CHD9: variants seen among roughly 807,000 people sequenced by gnomAD.
CHD9 encodes ATP-dependent chromatin remodeler CHD9.
Under a neutral mutation model 316.1 loss-of-function variants are expected in CHD9, and 77 were observed. The observed-to-expected ratio is 0.24, with a 90% CI of 0.20 to 0.29. The LOEUF is 0.29. Among genes scored for constraint, CHD9 ranks in the 10% least tolerant of loss-of-function variants. CHD9 has a pLI of 1.00. For synonymous variants in CHD9, 1,129 were observed against 1,158.3 expected (o/e 0.97, Z 0.51); for missense variants, 2,763 against 3,438.1 (o/e 0.80, Z 4.91).
At chr16:53,251,703 T>A (rs1217535329) in intron 17 of CHD9, among the ~76,000 whole-genome samples, 1 of 152,214 alleles carries the variant, frequency 6.6e-6, no homozygotes, top group African/African-American at 2.4e-5. Context: ...TCAAGATTTA[T>A]CATACAAAGT....
intron 24 of CHD9, among the ~76,000 whole-genome samples, chr16:53,279,371 G>A (rs1312053401): frequency 4.0e-5 from 6 of 150,266 alleles, no homozygotes; most frequent in South Asian, 2.1e-4. Context: ...GGGGTGGGGG[G>A]TAAGGGGGAG....
intron 2 of CHD9, among the ~76,000 whole-genome samples, chr16:53,190,299 G>A (rs945067086): frequency 6.6e-6 from 1 of 152,022 alleles, no homozygotes; most frequent in Non-Finnish European, 1.5e-5. Flanking sequence ...TAAAAGAGTT[G>A]TTTTTGTCTA....
intron 1 of CHD9, among the ~76,000 whole-genome samples, chr16:53,136,292 A>G (rs1404978704): frequency 1.3e-5 from 2 of 152,186 alleles, no homozygotes; most frequent in Non-Finnish European, 2.9e-5. Flanking sequence ...GAAACCAGAA[A>G]AAAGATGACC....
At chr16:53,172,511 T>A (rs2042836472) in intron 2 of CHD9, among the ~76,000 whole-genome samples, 1 of 152,216 alleles carries the variant, frequency 6.6e-6, no homozygotes, top group Non-Finnish European at 1.5e-5. Context: ...AAGACATACA[T>A]TTTTATTTCC....
At chr16:53,106,427 C>T (rs974305887) in intron 1 of CHD9, among the ~76,000 whole-genome samples, 1 of 152,068 alleles carries the variant, frequency 6.6e-6, no homozygotes, top group South Asian at 2.1e-4. Context: ...TAAACACCAC[C>T]AACAAAAAAT....
intron 1 of CHD9, among the ~76,000 whole-genome samples, chr16:53,119,550 C>A (rs928683846): frequency 6.6e-6 from 1 of 151,904 alleles, no homozygotes; most frequent in African/African-American, 2.4e-5. Context: ...AAAAACAAGT[C>A]ATCTGGGCAT....
chr16:53,103,530 T>C (rs914508292), intron 1 of CHD9, among the ~76,000 whole-genome samples: 1 of 152,210 alleles, frequency 6.6e-6, no homozygotes, highest in Non-Finnish European at 1.5e-5. Context: ...CTATTTACTT[T>C]ATTCTTACAG....
At chr16:53,238,192 G>C in intron 11 of CHD9, 151 bp from the exon 12 acceptor site, 1 of 626,106 alleles carries the variant, frequency 1.6e-6, no homozygotes, top group Non-Finnish European at 2.6e-6. Context: ...TAATAAAATT[G>C]TAATCTTAAG....
intron 30 of CHD9, among the ~76,000 whole-genome samples, chr16:53,300,612 T>G (rs560430341): frequency 4.3e-4 from 66 of 152,312 alleles, no homozygotes; most frequent in South Asian, 1.7e-3. Flanking sequence ...TAATGGATAA[T>G]AAAAACCTAT....
At chr16:53,085,659 CCTT>C (rs1248267887) in intron 1 of CHD9, among the ~76,000 whole-genome samples, 2 of 152,226 alleles carry the variant, frequency 1.3e-5, no homozygotes, top group Non-Finnish European at 1.5e-5. Context: ...TTAGCAATAA[CCTT>C]CTGGGAATCA....
At chr16:53,231,579 A>C in intron 9 of CHD9, 68 bp from the exon 10 acceptor site, 2 of 1,396,440 alleles carry the variant, frequency 1.4e-6, no homozygotes, top group Non-Finnish European at 9.9e-7. Flanking sequence ...CTAGTACTTT[A>C]TTCTCTGTTT....
Position 53,285,604 on chromosome 16 carries a change from A to C in CHD9, c.4976A>C (p.Asp1659Ala). 1 of 1,595,070 alleles carries C rather than the reference A, an allele frequency of 6.3e-7. No homozygotes were observed. The highest frequency in any genetic ancestry group is 8.6e-7 in the Non-Finnish European group (1 of 1,168,810). Residue 1659 changes from aspartate (D) to alanine (A), a missense_variant, in exon 25 of 39, where the codon GAT (aspartate) becomes GCT (alanine). Physicochemically the swap from Asp to Ala is moderately radical, Grantham distance 126. Transcript: ENST00000447540. ...TTATGATTTTTTTAAAGTGACATTG[A>C]TGTTTGGGTACCAGAACCAGACCAC... ...VFDGVDASDIDVWVPEPDHSE... is the reference protein window; with the variant it reads ...VFDGVDASDIAVWVPEPDHSE...
rs781553669 is a variant in CHD9, at chr16:53,310,471, C to T, written c.7222+1617C>T. ...GAGATTGATACTTCTATTGCCTGAA[C>T]ATTTTATTGCTGTTGCAGCTGAAGA... On this transcript the variant is annotated intron_variant, in intron 34 of 38. Transcript: ENST00000447540. 9.0e-4 allele frequency among the ~76,000 whole-genome samples: 137 copies of T among 152,258 alleles called. 1 individual carries two copies. Among genetic ancestry groups the T allele is most frequent in the African/African-American group, 3.0e-3 (125 of 41,568 alleles).
chr16:53,255,583 A>G lies in CHD9; in HGVS notation c.4030-17A>G. ...CTTTAAAAAAAACTATTTTTATGGA[A>G]GTTAATTTCTCCTTAGATTCAGCAG... On this transcript the variant is annotated splice_polypyrimidine_tract_variant and intron_variant, in intron 18 of 38. Coordinates refer to ENST00000447540, the MANE Select transcript of CHD9 (RefSeq NM_001308319.2). The G allele has an allele frequency of 6.3e-7, 1 of 1,598,590 alleles. No individual in the cohort carries two copies.
Position 53,325,149 on chromosome 16 carries a change from G to T in CHD9, c.*254G>T. Reference sequence around the variant, plus strand: ...ACAAAAGGCATTATAATTTTGTTGGGGGTTAATTTTATGAAAATTATGCTC... The same window carrying T: ...ACAAAAGGCATTATAATTTTGTTGGTGGTTAATTTTATGAAAATTATGCTC... On this transcript the variant is annotated 3_prime_UTR_variant, in exon 39 of 39. Coordinates refer to ENST00000447540, the MANE Select transcript of CHD9 (RefSeq NM_001308319.2). 6.4e-6 allele frequency: 2 copies of T among 311,860 alleles called. No individual in the cohort carries two copies. Among genetic ancestry groups the T allele is most frequent in the Non-Finnish European group, 1.2e-5 (2 of 169,646 alleles). The allele number at this position is 311,860 out of a possible 1,614,324, so 19.3% of individuals were successfully genotyped here.
At chr16:53,146,437 A>ATAT (rs58622741) in intron 1 of CHD9, among the ~76,000 whole-genome samples, 1 of 129,702 alleles carries the variant, frequency 7.7e-6, no homozygotes. Context: ...ATATATATAT[A>ATAT]ATTAAAAAGT....
rs116237575 is a variant in CHD9 at position 53,278,034 on chromosome 16, A to G, written c.4967+3732A>G. Among the ~76,000 whole-genome samples, 1,238 of 152,116 alleles carry G rather than the reference A, an allele frequency of 8.1e-3. 16 individuals carry two copies. The highest frequency in any genetic ancestry group is 0.029 in the African/African-American group (1,200 of 41,520). On this transcript the variant is annotated intron_variant, in intron 24 of 38. Transcript: ENST00000447540. ...AGCCAGAAAAAAAAAAAAGGTACTT[A>G]GGAATATACCTAACCAAGGACGTGA...
Position 53,304,135 on chromosome 16 carries a change from G to A in CHD9, c.6129G>A (p.Glu2043=). ...TAGATGCTAAAGGTATTATTCTAGA[G>A]GAGATGAAAGTTAAAAGTGAAAACC... The part of the protein sequence containing the change: ...RLLDAKGIIL[E]EMKVKSENLK... Residue 2043 remains glutamate (E), a synonymous_variant, in exon 31 of 39, where the codon GAG becomes GAA. Transcript: ENST00000447540. 6.2e-7 allele frequency: 1 copy of A among 1,613,254 alleles called. No homozygotes were observed. The highest frequency in any genetic ancestry group is 8.5e-7 in the Non-Finnish European group (1 of 1,179,734).
chr16:53,225,851 C>T (rs1210620634), intron 4 of CHD9, among the ~76,000 whole-genome samples: 1 of 151,812 alleles, frequency 6.6e-6, no homozygotes, highest in African/African-American at 2.4e-5. Flanking sequence ...TAGATTTATA[C>T]CCCCAATTAA....
Sources: allele counts gnomAD v4.1 joint callset (sites outside exome capture counted in the v4.1 genomes callset), GRCh38; gene constraint gnomAD v4.1.1; transcripts MANE v1.5; gene names NCBI Gene and HGNC (gene_info 2026-07-23, HGNC 2026-07-21).